Variants in INVS observed in about 807,000 individuals in gnomAD.
INVS encodes the protein inversin.
In INVS, 86 loss-of-function variants were observed where a neutral mutation model predicts 108.8. The observed-to-expected ratio is 0.79, with a 90% CI of 0.66 to 0.95. The LOEUF is 0.95. INVS is among the 40% of genes least tolerant of loss of function. INVS has a pLI of 0.00. For synonymous variants in INVS, 455 were observed against 473.5 expected (o/e 0.96, Z 0.51); for missense variants, 1,169 against 1,297.4 (o/e 0.90, Z 1.52).
At position 100,108,045 on chromosome 9, in the gene INVS, A is replaced by G. The variant is rs561865286; in HGVS notation, c.106+3418A>G. Among the ~76,000 whole-genome samples the G allele has an allele frequency of 2.7e-3, 414 of 152,314 alleles. 1 individual carries two copies. Among genetic ancestry groups the G allele is most frequent in the Admixed American group, 6.6e-3 (101 of 15,288 alleles). ...GGACTAAATTCCATGAGAAAAAAAA[A>G]TTTTAAGTCAGGACGTATGAAGAAA... On this transcript the variant is annotated intron_variant, in intron 2 of 16. Transcript: ENST00000262457.
At chr9:100,100,769 TG>T (rs1826863020) in intron 1 of INVS, among the ~76,000 whole-genome samples, 1 of 29,586 alleles carries the variant, frequency 3.4e-5, no homozygotes. Flanking sequence ...ATATAATATA[TG>T]TATATATAAT....
At chr9:100,221,190 T>G (rs1000474503) in intron 3 of INVS, among the ~76,000 whole-genome samples, 2 of 152,178 alleles carry the variant, frequency 1.3e-5, no homozygotes, top group African/African-American at 4.8e-5. Context: ...GCTTACTGCC[T>G]CAAACTAGTA....
At chr9:100,283,902 T>C (rs1833351496) in intron 12 of INVS, among the ~76,000 whole-genome samples, 1 of 152,136 alleles carries the variant, frequency 6.6e-6, no homozygotes, top group South Asian at 2.1e-4. Flanking sequence ...ATAGAGCAGA[T>C]TCAAGGTTAT....
At chr9:100,263,721 T>C (rs1832699390) in intron 10 of INVS, among the ~76,000 whole-genome samples, 1 of 152,214 alleles carries the variant, frequency 6.6e-6, no homozygotes, top group Non-Finnish European at 1.5e-5. Context: ...ATGGACATCT[T>C]TGTGAGGGAG....
intron 8 of INVS, among the ~76,000 whole-genome samples, chr9:100,250,941 T>G (rs996989022): frequency 1.3e-5 from 2 of 152,190 alleles, no homozygotes; most frequent in African/African-American, 4.8e-5. Context: ...CTACCCTTCC[T>G]TCCTTAAACA....
intron 3 of INVS, among the ~76,000 whole-genome samples, chr9:100,186,540 CT>C (rs1830061219): frequency 2.0e-5 from 3 of 152,054 alleles, no homozygotes; most frequent in Admixed American, 2.0e-4. Flanking sequence ...TGTTTTTTGA[CT>C]GTTTAATAAT....
At chr9:100,156,943 T>TATAC (rs1554718181) in intron 3 of INVS, among the ~76,000 whole-genome samples, 11 of 149,592 alleles carry the variant, frequency 7.4e-5, no homozygotes, top group South Asian at 2.1e-4. Flanking sequence ...TATATATATA[T>TATAC]ACACACACAC....
chr9:100,297,479 C>T (rs931657391), intron 15 of INVS, among the ~76,000 whole-genome samples: 16 of 152,130 alleles, frequency 1.1e-4, no homozygotes. Context: ...TTGCATTACC[C>T]ATTTGGAGCA....
intron 3 of INVS, among the ~76,000 whole-genome samples, chr9:100,206,377 A>G (rs1339806159): frequency 6.6e-6 from 1 of 151,802 alleles, no homozygotes; most frequent in African/African-American, 2.4e-5. Context: ...CTTTTTTTCT[A>G]ACTTTATGTT....
chr9:100,231,633 G>A (rs984158038), intron 5 of INVS, among the ~76,000 whole-genome samples: 14 of 151,078 alleles, frequency 9.3e-5, no homozygotes, highest in Non-Finnish European at 1.5e-4. Context: ...GTTAATTTTC[G>A]GAGAATGATG....
chr9:100,177,953 C>G (rs1431048891), intron 3 of INVS, among the ~76,000 whole-genome samples: 28 of 152,228 alleles, frequency 1.8e-4, no homozygotes, highest in Non-Finnish European at 2.9e-5. Context: ...CTTTGCTGTT[C>G]TGCAGTCTTT....
At chr9:100,257,669 C>T (rs928539667) in intron 10 of INVS, among the ~76,000 whole-genome samples, 1 of 152,182 alleles carries the variant, frequency 6.6e-6, no homozygotes, top group African/African-American at 2.4e-5. Context: ...ACTTATGAAG[C>T]TTAGTTTGGC....
chr9:100,183,275 A>T lies in INVS; in HGVS notation c.274-42787A>T, dbSNP rs186685309. ...GTATCTCAAAATTTAAAGTATAATT[A>T]AAAAAAGAAAAGACATGATCCAATA... On this transcript the variant is annotated intron_variant, in intron 3 of 16. Coordinates refer to ENST00000262457, the MANE Select transcript of INVS (RefSeq NM_014425.5). 1.7e-3 allele frequency among the ~76,000 whole-genome samples: 263 copies of T among 152,300 alleles called. 1 individual carries two copies. Among genetic ancestry groups the T allele is most frequent in the South Asian group, 3.1e-3 (15 of 4,820 alleles).
chr9:100,169,932 T>G (rs1256627439), intron 3 of INVS, among the ~76,000 whole-genome samples: 1 of 152,172 alleles, frequency 6.6e-6, no homozygotes, highest in East Asian at 1.9e-4. Flanking sequence ...CATTGGGCCC[T>G]TCAAACCCTG....
chr9:100,222,221 T>C (rs979684973), intron 3 of INVS, among the ~76,000 whole-genome samples: 6 of 152,202 alleles, frequency 3.9e-5, no homozygotes, highest in African/African-American at 1.4e-4. Flanking sequence ...TTTATAATAA[T>C]AAAAACATCT....
chr9:100,140,261 G>A (rs995342023), intron 3 of INVS, among the ~76,000 whole-genome samples: 1 of 152,176 alleles, frequency 6.6e-6, no homozygotes, highest in African/African-American at 2.4e-5. Flanking sequence ...GGGTGCAGGC[G>A]GGCTGAGTCT....
At chr9:100,249,409 A>T (rs964539144) in intron 8 of INVS, among the ~76,000 whole-genome samples, 24 of 152,212 alleles carry the variant, frequency 1.6e-4, no homozygotes, top group Admixed American at 3.9e-4. Context: ...AAATTTTTTT[A>T]AAAAATAAAA....
Position 100,145,825 on chromosome 9 carries a change from C to T in INVS, c.273+19276C>T, listed in dbSNP as rs914330811. Reference sequence around the variant, plus strand: ...GAGTTTTGGGTCCACGGATAAAACGCGTCTCCTGTCTCTACCAGAAAAGGA... The same window carrying T: ...GAGTTTTGGGTCCACGGATAAAACGTGTCTCCTGTCTCTACCAGAAAAGGA... On this transcript the variant is annotated intron_variant, in intron 3 of 16. Transcript: ENST00000262457. Among the ~76,000 whole-genome samples the T allele has an allele frequency of 2.6e-4, 40 of 152,046 alleles. 1 individual carries two copies. The highest frequency in any genetic ancestry group is 2.5e-4 in the Non-Finnish European group (17 of 68,022).
At chr9:100,179,683 CAAT>C (rs1354532274) in intron 3 of INVS, among the ~76,000 whole-genome samples, 1 of 151,982 alleles carries the variant, frequency 6.6e-6, no homozygotes, top group Non-Finnish European at 1.5e-5. Flanking sequence ...GGCTCCCACA[CAAT>C]AATAATAGGA....
Sources: gnomAD v4.1 joint callset for allele counts (sites outside exome capture counted in the v4.1 genomes callset) on GRCh38, gnomAD v4.1.1 for gene constraint, MANE v1.5 for transcripts, NCBI Gene and HGNC (gene_info 2026-07-23, HGNC 2026-07-21) for gene names.